Variants in RABL3 observed in about 807,000 individuals in gnomAD.
RABL3 encodes the protein RAB, member of RAS oncogene family like 3.
In RABL3, 31 loss-of-function variants were observed where a neutral mutation model predicts 31.8. That is an observed-to-expected ratio of 0.97 (90% CI 0.73 to 1.31). The LOEUF is 1.31. Ranked by LOEUF, RABL3 falls within the 40% of genes most tolerant of loss-of-function variation. The pLI, the probability that RABL3 is intolerant of heterozygous loss-of-function variation, is 0.00. For missense variants in RABL3, 263 were observed against 279.6 expected (o/e 0.94, Z 0.42); for synonymous variants, 97 against 99.9 (o/e 0.97, Z 0.18).
chr3:120,685,358 T>C lies in RABL3; in HGVS notation c.*4465A>G, dbSNP rs370207743. On this transcript the variant is annotated 3_prime_UTR_variant, in exon 8 of 8. Coordinates refer to ENST00000273375, the MANE Select transcript of RABL3 (RefSeq NM_173825.5). ...TACTGAGCGAGGTTTTACACCTTGG[T>C]TGGAGTTTAGGGGTTCCATTCTTTG... Among the ~76,000 whole-genome samples the C allele has an allele frequency of 1.3e-5, 2 of 152,268 alleles. No homozygotes were observed. The highest frequency in any genetic ancestry group is 1.9e-4 in the East Asian group (1 of 5,184).
At chr3:120,690,800 C>CT (rs1446058715) in intron 6 of RABL3, among the ~76,000 whole-genome samples, 1 of 152,108 alleles carries the variant, frequency 6.6e-6, no homozygotes, top group Non-Finnish European at 1.5e-5. Context: ...AAATCTGACT[C>CT]TAAGTTTCCT....
chr3:120,713,146 C>T lies in RABL3; in HGVS notation c.139-3237G>A, dbSNP rs529630303. 2.6e-5 allele frequency among the ~76,000 whole-genome samples: 4 copies of T among 152,294 alleles called. No individual in the cohort carries two copies. The East Asian group carries it at 7.7e-4, about 29-fold the overall frequency. On this transcript the variant is annotated intron_variant, in intron 2 of 7. Transcript: ENST00000273375. Reference sequence around the variant, plus strand: ...ATTTCTAGGCAGCATACCCTCTTAGCCTTGCATTGTACCAAACCTGTTAGC... The same window carrying T: ...ATTTCTAGGCAGCATACCCTCTTAGTCTTGCATTGTACCAAACCTGTTAGC...
intron 2 of RABL3, among the ~76,000 whole-genome samples, chr3:120,721,447 GAC>G (rs1451819866): frequency 6.6e-6 from 1 of 151,988 alleles, no homozygotes; most frequent in African/African-American, 2.4e-5. Flanking sequence ...CATGTGCAGA[GAC>G]ACACATAGGC....
At chr3:120,717,764 C>T (rs1708687971) in intron 2 of RABL3, among the ~76,000 whole-genome samples, 1 of 152,178 alleles carries the variant, frequency 6.6e-6, no homozygotes, top group East Asian at 1.9e-4. Context: ...CCACCGCACC[C>T]AGTCCCAAAG....
chr3:120,702,541 C>G (rs1708503958), intron 4 of RABL3, among the ~76,000 whole-genome samples: 1 of 151,722 alleles, frequency 6.6e-6, no homozygotes, highest in Admixed American at 6.6e-5. Flanking sequence ...CTTACAAATA[C>G]AGAGGAAGGG....
chr3:120,687,939 G>C lies in RABL3; in HGVS notation c.*1884C>G, dbSNP rs1271556776. 2 of 152,036 alleles carry C rather than the reference G, an allele frequency of 1.3e-5. No homozygotes were observed. The highest frequency in any genetic ancestry group is 1.3e-4 in the Admixed American group (2 of 15,256). The allele number at this position is 152,036 out of a possible 1,614,324, so 9.4% of individuals were successfully genotyped here. A position where few individuals can be genotyped will look rare whatever the true frequency, so the allele number is the denominator to read the frequency against. ...AGCCTCCCAAGTAGCTGGGATTACA[G>C]GCGCGTGCCACCAGGCCTGGCTAAT... On this transcript the variant is annotated 3_prime_UTR_variant, in exon 8 of 8. Transcript: ENST00000273375.
intron 2 of RABL3, among the ~76,000 whole-genome samples, chr3:120,715,610 G>A (rs1056592264): frequency 3.9e-5 from 6 of 152,090 alleles, no homozygotes; most frequent in African/African-American, 1.4e-4. Flanking sequence ...AGCAACATGT[G>A]ACTACTTAGC....
chr3:120,724,100 G>C (rs1708785252), intron 2 of RABL3, among the ~76,000 whole-genome samples: 1 of 152,158 alleles, frequency 6.6e-6, no homozygotes, highest in Non-Finnish European at 1.5e-5. Flanking sequence ...CTTCAGCAAG[G>C]TCTCAGGATA....
chr3:120,709,642 T>C (rs879468821), intron 3 of RABL3, 138 bp downstream of exon 3: 5 of 597,490 alleles, frequency 8.4e-6, no homozygotes, highest in Non-Finnish European at 1.4e-5. Context: ...GAATGTACTA[T>C]GCAGATTTAA....
At chr3:120,690,092 T>TGATA (rs945858668) in intron 7 of RABL3, among the ~76,000 whole-genome samples, 3 of 152,140 alleles carry the variant, frequency 2.0e-5, no homozygotes, top group African/African-American at 7.2e-5. Flanking sequence ...AACAAATTGG[T>TGATA]GATAGTGTCA....
At chr3:120,694,358 A>G (rs1708413094) in intron 5 of RABL3, 134 bp from the exon 6 acceptor site, 1 of 573,364 alleles carries the variant, frequency 1.7e-6, no homozygotes, top group Non-Finnish European at 3.2e-6. Flanking sequence ...ATATTCAAAT[A>G]ATTTTCAAAT....
At chr3:120,721,836 T>C (rs1032461476) in intron 2 of RABL3, among the ~76,000 whole-genome samples, 6 of 152,126 alleles carry the variant, frequency 3.9e-5, no homozygotes, top group Non-Finnish European at 8.8e-5. Flanking sequence ...ACCTAATAGA[T>C]ATCTACAGAA....
chr3:120,708,569 C>A (rs1317886863), intron 3 of RABL3, among the ~76,000 whole-genome samples: 1 of 151,994 alleles, frequency 6.6e-6, no homozygotes, highest in African/African-American at 2.4e-5. Context: ...TTTACTGATA[C>A]AAGTTGATCA....
At chr3:120,736,634 T>C (rs1234687779) in intron 1 of RABL3, among the ~76,000 whole-genome samples, 3 of 152,054 alleles carry the variant, frequency 2.0e-5, no homozygotes, top group Admixed American at 6.6e-5. Flanking sequence ...GCCTCAATGG[T>C]CTTTACAATT....
chr3:120,688,736 G>A lies in RABL3; in HGVS notation c.*1087C>T, dbSNP rs17240621. On this transcript the variant is annotated 3_prime_UTR_variant, in exon 8 of 8. Transcript: ENST00000273375. ...ATTCATATACTCAGGAAGAACTGGG[G>A]CAGAGAAGATTAAGCAAGCAAAAAG... 3,723 of 152,086 alleles carry A rather than the reference G, an allele frequency of 0.024. 67 individuals are homozygous for A. Among genetic ancestry groups the A allele is most frequent in the Middle Eastern group, 0.041 (12 of 296 alleles). 9.4% of individuals were successfully genotyped at this position (152,086 alleles called of 1,614,324 possible).
chr3:120,695,511 C>G (rs1576330913), intron 5 of RABL3, among the ~76,000 whole-genome samples: 1 of 152,152 alleles, frequency 6.6e-6, no homozygotes, highest in East Asian at 1.9e-4. Context: ...TAATCCATAC[C>G]TGGACATACT....
Position 120,694,223 on chromosome 3 carries a change from T to C in RABL3, c.536A>G (p.Asp179Gly). Reference protein sequence around the residue: ...EDFNPEEINLDCTNPRYLAAG... With the variant: ...EDFNPEEINLGCTNPRYLAAG... ...AGCTAAGTACCGTGGATTTGTGCAG[T>C]CCTAGAAGATAAAACATAAGATCCA... The change falls in exon 6 of 8, where the codon GAC becomes GGC. Residue 179 changes from aspartate (D) to glycine (G), a missense_variant and splice_region_variant. Coordinates refer to ENST00000273375, the MANE Select transcript of RABL3 (RefSeq NM_173825.5). The C allele has an allele frequency of 1.9e-6, 3 of 1,603,722 alleles. No homozygotes were observed. The highest frequency in any genetic ancestry group is 2.6e-6 in the Non-Finnish European group (3 of 1,172,620).
chr3:120,696,937 A>G (rs1017474310), intron 5 of RABL3, among the ~76,000 whole-genome samples: 2 of 152,182 alleles, frequency 1.3e-5, no homozygotes, highest in Admixed American at 6.6e-5. Context: ...AATGGCAGGC[A>G]GAAGCTGGGG....
At chr3:120,709,738 CTT>C in intron 3 of RABL3, 40 bp downstream of exon 3, 2 of 1,450,096 alleles carry the variant, frequency 1.4e-6, no homozygotes, top group Non-Finnish European at 1.9e-6. Context: ...GATCTATACT[CTT>C]AGACCATTAA....
Sources: allele counts gnomAD v4.1 joint callset (sites outside exome capture counted in the v4.1 genomes callset), GRCh38; gene constraint gnomAD v4.1.1; transcripts MANE v1.5; gene names NCBI Gene and HGNC (gene_info 2026-07-23, HGNC 2026-07-21).